Variants in DIP2C observed in about 807,000 individuals in gnomAD.
The protein encoded by DIP2C is DIP2 acetate--CoA ligase C (putative), also known as disco-interacting protein 2 homolog C.
A neutral mutation model predicts 192.4 loss-of-function variants in DIP2C; 33 were observed. That is an observed-to-expected ratio of 0.17 (90% CI 0.13 to 0.23). The LOEUF is 0.23. DIP2C is among the 10% of genes least tolerant of loss of function. The probability of loss-of-function intolerance (pLI) is 1.00; values close to 1 mark genes in which losing one functional copy is unlikely to be tolerated. For missense variants in DIP2C, 1,537 were observed against 2,110.1 expected (o/e 0.73, Z 5.32); for synonymous variants, 979 against 864.1 (o/e 1.13, Z -2.33).
At chr10:672,702 C>G (rs1437420273) in intron 1 of DIP2C, among the ~76,000 whole-genome samples, 1 of 152,234 alleles carries the variant, frequency 6.6e-6, no homozygotes, top group Admixed American at 6.5e-5. Context: ...AGAAATGCCA[C>G]AGAGGTGATT....
chr10:446,780 A>G (rs1231603426), intron 3 of DIP2C, among the ~76,000 whole-genome samples: 2 of 152,218 alleles, frequency 1.3e-5, no homozygotes, highest in African/African-American at 4.8e-5. Context: ...AATTCGTATA[A>G]CGACTATTAA....
Position 472,521 on chromosome 10 carries a change from G to T in DIP2C, c.186C>A (p.Arg62=). 1 of 1,614,200 alleles carries T rather than the reference G, an allele frequency of 6.2e-7. No individual in the cohort carries two copies. Among genetic ancestry groups the T allele is most frequent in the Non-Finnish European group, 8.5e-7 (1 of 1,180,036 alleles). ...PRVDQALPQE[R]RAPVTPSSAS... is the part of the protein sequence containing the mutation. ...CGGAGGAAGGAGTGACAGGAGCCCG[G>T]CGTTCTTGCGGCAAAGCTTGGTCCA... Residue 62 remains arginine, a synonymous_variant, in exon 3 of 37, where the codon CGC becomes CGA. Transcript: ENST00000280886.
chr10:326,347 G>A (rs754944837), intron 31 of DIP2C, among the ~76,000 whole-genome samples: 1 of 152,160 alleles, frequency 6.6e-6, no homozygotes, highest in Non-Finnish European at 1.5e-5. Flanking sequence ...GGCTCACCCA[G>A]CAGCAACCTT....
chr10:525,702 G>C (rs1341632583), intron 1 of DIP2C, among the ~76,000 whole-genome samples: 1 of 152,176 alleles, frequency 6.6e-6, no homozygotes, highest in Non-Finnish European at 1.5e-5. Context: ...GGTGGAGAAA[G>C]GAAGACAGGC....
intron 32 of DIP2C, among the ~76,000 whole-genome samples, chr10:299,729 T>C (rs190061345): frequency 4.6e-5 from 7 of 152,266 alleles, no homozygotes; most frequent in Admixed American, 2.0e-4. Flanking sequence ...AAGCAAGATT[T>C]GCAAATCACA....
intron 1 of DIP2C, among the ~76,000 whole-genome samples, chr10:541,330 G>A (rs139064189): frequency 1.3e-3 from 195 of 152,282 alleles, no homozygotes; most frequent in Admixed American, 2.0e-3. Context: ...CTCAGGTCCA[G>A]CTGCTCAGCC....
At chr10:564,528 G>T (rs1849365129) in intron 1 of DIP2C, among the ~76,000 whole-genome samples, 1 of 152,188 alleles carries the variant, frequency 6.6e-6, no homozygotes, top group Non-Finnish European at 1.5e-5. Flanking sequence ...AAGCGCAGCA[G>T]AGCTAAGGGT....
chr10:601,261 GATA>G (rs559046938), intron 1 of DIP2C, among the ~76,000 whole-genome samples: 1 of 152,160 alleles, frequency 6.6e-6, no homozygotes, highest in Non-Finnish European at 1.5e-5. Context: ...TAAATCTCTA[GATA>G]ATCAGGCAAA....
chr10:619,541 G>GCCCGCCCGCCCT, intron 1 of DIP2C, among the ~76,000 whole-genome samples: 103 of 67,960 alleles, frequency 1.5e-3, no homozygotes, highest in Non-Finnish European at 1.2e-3. Context: ...CCGCCCGCCC[G>GCCCGCCCGCCCT]CCCTCCCACC....
Position 276,427 on chromosome 10 carries a change from T to G in DIP2C, c.*898A>C, listed in dbSNP as rs1175877329. On this transcript the variant is annotated 3_prime_UTR_variant, in exon 37 of 37. Coordinates refer to ENST00000280886, the MANE Select transcript of DIP2C (RefSeq NM_014974.3). ...AAGTTCTGCATCTTAAACTTTAAAATCTCCTTTGTTCATTAGTGAATTTAT... is the reference window on the plus strand; with the variant it reads ...AAGTTCTGCATCTTAAACTTTAAAAGCTCCTTTGTTCATTAGTGAATTTAT... The G allele has an allele frequency of 6.6e-6, 1 of 152,610 alleles. No individual in the cohort carries two copies. The highest frequency in any genetic ancestry group is 1.5e-5 in the Non-Finnish European group (1 of 68,036). The allele number at this position is 152,610 out of a possible 1,614,324, so 9.5% of individuals were successfully genotyped here. A position where few individuals can be genotyped will look rare whatever the true frequency, so the allele number is the denominator to read the frequency against.
chr10:506,578 T>A (rs1223970736), intron 1 of DIP2C, among the ~76,000 whole-genome samples: 1 of 151,914 alleles, frequency 6.6e-6, no homozygotes, highest in African/African-American at 2.4e-5. Context: ...CAGAATAGAA[T>A]CCCCAGTACT....
chr10:576,199 G>A (rs1408030491), intron 1 of DIP2C, among the ~76,000 whole-genome samples: 2 of 152,234 alleles, frequency 1.3e-5, no homozygotes, highest in East Asian at 3.8e-4. Flanking sequence ...AATGGTATCA[G>A]TGGGGTTCTC....
intron 31 of DIP2C, among the ~76,000 whole-genome samples, chr10:317,122 T>C (rs1956809302): frequency 6.6e-6 from 1 of 152,218 alleles, no homozygotes; most frequent in African/African-American, 2.4e-5. Flanking sequence ...CTTGTTTCTA[T>C]GGTTGGCATC....
chr10:565,081 G>A (rs1022856663), intron 1 of DIP2C, among the ~76,000 whole-genome samples: 22 of 152,102 alleles, frequency 1.4e-4, no homozygotes, highest in African/African-American at 5.1e-4. Context: ...CTGTAGGAGA[G>A]GGCGGTTCCA....
At chr10:498,500 G>A (rs558289499) in intron 1 of DIP2C, among the ~76,000 whole-genome samples, 4 of 152,332 alleles carry the variant, frequency 2.6e-5, no homozygotes, top group South Asian at 2.1e-4. Flanking sequence ...CCACCAGGAC[G>A]TGTAGAACAC....
chr10:524,967 C>CAAA (rs10652748), intron 1 of DIP2C, among the ~76,000 whole-genome samples: 2,607 of 111,094 alleles, frequency 0.023, 124 homozygotes, highest in African/African-American at 0.058. Context: ...ATCACAATTT[C>CAAA]AAAAAAAAAA....
intron 1 of DIP2C, among the ~76,000 whole-genome samples, chr10:672,871 G>A (rs1830715987): frequency 6.6e-6 from 1 of 152,064 alleles, no homozygotes; most frequent in African/African-American, 2.4e-5. Flanking sequence ...AACTCGGAGG[G>A]GTTGCATTTC....
intron 31 of DIP2C, among the ~76,000 whole-genome samples, chr10:314,101 G>C (rs534290851): frequency 8.5e-5 from 13 of 152,332 alleles, no homozygotes; most frequent in South Asian, 2.1e-4. Flanking sequence ...TCTTCAAATG[G>C]AAAGGAAAAT....
chr10:458,807 A>G (rs1408779868), intron 3 of DIP2C, among the ~76,000 whole-genome samples: 1 of 152,180 alleles, frequency 6.6e-6, no homozygotes, highest in Non-Finnish European at 1.5e-5. Flanking sequence ...GATGCCCTCT[A>G]CATTCCTGAC....
Sources: allele counts gnomAD v4.1 joint callset (sites outside exome capture counted in the v4.1 genomes callset), GRCh38; gene constraint gnomAD v4.1.1; transcripts MANE v1.5; gene names NCBI Gene and HGNC (gene_info 2026-07-23, HGNC 2026-07-21).